HOXB13: variants seen among roughly 807,000 people sequenced by gnomAD.
HOXB13 encodes homeobox protein Hox-B13.
HOXB13 carries 22 observed loss-of-function variants against 23.1 expected under a neutral mutation model. The observed-to-expected ratio is 0.95, with a 90% CI of 0.68 to 1.36. The LOEUF (loss-of-function observed/expected upper bound fraction) is 1.36. HOXB13 is among the 40% of genes most tolerant of loss of function. HOXB13 has a pLI of 0.00. For synonymous variants in HOXB13, 173 were observed against 157.9 expected (o/e 1.10, Z -0.72); for missense variants, 386 against 376.2 (o/e 1.03, Z -0.22).
Position 48,727,054 on chromosome 17 carries a change from T to C in HOXB13, c.602-11A>G, listed in dbSNP as rs749553801. On this transcript the variant is annotated splice_polypyrimidine_tract_variant and intron_variant, in intron 1 of 1. Coordinates refer to ENST00000290295, the MANE Select transcript of HOXB13 (RefSeq NM_006361.6). ...GCTGCCCGCTGGAGTCTGCGCGGCG[T>C]GAAAGGGAGGGAGGAAAAGGCATGG... 1.2e-6 allele frequency: 2 copies of C among 1,602,834 alleles called. No homozygotes were observed. Among genetic ancestry groups the C allele is most frequent in the Non-Finnish European group, 1.7e-6 (2 of 1,179,166 alleles).
At chr17:48,727,103 C>T in intron 1 of HOXB13, 60 bp from the exon 2 acceptor site, 1 of 1,579,576 alleles carries the variant, frequency 6.3e-7, no homozygotes, top group Non-Finnish European at 8.6e-7. Flanking sequence ...CATGCAGACC[C>T]AGGCCTTGCA....
chr17:48,728,500 G>A lies in HOXB13; in HGVS notation c.94C>T (p.Pro32Ser), dbSNP rs1597935135. The A allele has an allele frequency of 6.2e-7, 1 of 1,613,374 alleles. No individual in the cohort carries two copies. The highest frequency in any genetic ancestry group is 1.3e-5 in the African/African-American group (1 of 74,938). Residue 32 changes from proline (P) to serine (S), a missense_variant, in exon 1 of 2, where the codon CCT becomes TCT. Physicochemically the swap from Pro to Ser is moderately conservative, Grantham distance 74. Coordinates refer to ENST00000290295, the MANE Select transcript of HOXB13 (RefSeq NM_006361.6). ...GGCGCCGCTGGGTGGCTGGTCAGAG[G>A]GGAGTGGGCGACCAGATTCCGCCCC... ...GGGRNLVAHS[P>S]LTSHPAAPTL...
Position 48,724,825 on chromosome 17 carries a change from G to A in HOXB13, c.*1965C>T. On this transcript the variant is annotated 3_prime_UTR_variant, in exon 2 of 2. Coordinates refer to ENST00000290295, the MANE Select transcript of HOXB13 (RefSeq NM_006361.6). The stretch of plus-strand genomic sequence containing the variant: ...AGAAAATCCTCAAGTTTAAGTTTCT[G>A]ATAGCAGAGTGTGGGAGTTAGAGCA... The A allele has an allele frequency of 1.9e-6, 1 of 534,746 alleles. No individual in the cohort carries two copies. The highest frequency in any genetic ancestry group is 2.8e-6 in the Non-Finnish European group (1 of 352,094). 33.1% of individuals were successfully genotyped at this position (534,746 alleles called of 1,614,324 possible).
rs561048036 is a variant in HOXB13 at position 48,728,504 on chromosome 17, G to A, written c.90C>T (p.His30=). Residue 30 remains histidine (H), a synonymous_variant, in exon 1 of 2, where the codon CAC becomes CAT. Coordinates refer to ENST00000290295, the MANE Select transcript of HOXB13 (RefSeq NM_006361.6). ...GAGGGRNLVA[H]SPLTSHPAAP... is the part of the protein sequence containing the mutation. ...CCGCTGGGTGGCTGGTCAGAGGGGAGTGGGCGACCAGATTCCGCCCCCCTC... is the reference window on the plus strand; with the variant it reads ...CCGCTGGGTGGCTGGTCAGAGGGGAATGGGCGACCAGATTCCGCCCCCCTC... 3 of 1,613,474 alleles carry A rather than the reference G, an allele frequency of 1.9e-6. No individual in the cohort carries two copies. Among genetic ancestry groups the A allele is most frequent in the Non-Finnish European group, 2.5e-6 (3 of 1,179,974 alleles).
Position 48,726,940 on chromosome 17 carries a change from A to G in HOXB13, c.705T>C (p.Tyr235=), listed in dbSNP as rs923773143. ...CCTTGGTGATGAACTTGTTAGCCGCATACTCCCGCTCCAGCTCCCGCAACT... is the reference window on the plus strand; with the variant it reads ...CCTTGGTGATGAACTTGTTAGCCGCGTACTCCCGCTCCAGCTCCCGCAACT... ...KGQLRELERE[Y]AANKFITKDK... Residue 235 remains tyrosine (Y), a synonymous_variant, in exon 2 of 2, where the codon TAT becomes TAC. Coordinates refer to ENST00000290295, the MANE Select transcript of HOXB13 (RefSeq NM_006361.6). The G allele has an allele frequency of 3.7e-6, 6 of 1,613,622 alleles. No individual in the cohort carries two copies. Among genetic ancestry groups the G allele is most frequent in the African/African-American group, 1.3e-5 (1 of 74,818 alleles).
rs186875481 is a variant in HOXB13 at position 48,727,620 on chromosome 17, G to A, written c.601+373C>T. Among the ~76,000 whole-genome samples the A allele has an allele frequency of 2.6e-4, 39 of 152,222 alleles. 1 individual carries two copies. Among genetic ancestry groups the A allele is most frequent in the Admixed American group, 1.7e-3 (26 of 15,296 alleles). ...CCCATCTCCCACACCCACTCCCCACGCACCGAATTGAGAGTTATTTAGCTT... is the reference window on the plus strand; with the variant it reads ...CCCATCTCCCACACCCACTCCCCACACACCGAATTGAGAGTTATTTAGCTT... On this transcript the variant is annotated intron_variant, in intron 1 of 1. Coordinates refer to ENST00000290295, the MANE Select transcript of HOXB13 (RefSeq NM_006361.6).
intron 1 of HOXB13, 57 bp from the exon 2 acceptor site, chr17:48,727,100 A>C (rs1170153302): frequency 1.3e-6 from 2 of 1,582,716 alleles, no homozygotes; most frequent in African/African-American, 1.3e-5. Context: ...ACCCATGCAG[A>C]CCCAGGCCTT....
In HOXB13 at chr17:48,726,859, G is replaced by T. The variant is rs2038215864; in HGVS notation, c.786C>A (p.Ile262=). ...CTTTGACCCGGCGGTTCTGAAACCA[G>T]ATGGTAATCTGGCGCTCCGAGAGGC... ...ATSLSERQIT[I]WFQNRRVKEK... is the part of the protein sequence containing the mutation. Residue 262 remains isoleucine, a synonymous_variant, in exon 2 of 2, where the codon ATC becomes ATA. Coordinates refer to ENST00000290295, the MANE Select transcript of HOXB13 (RefSeq NM_006361.6). 1 of 1,614,210 alleles carries T rather than the reference G, an allele frequency of 6.2e-7. No homozygotes were observed. Among genetic ancestry groups the T allele is most frequent in the Admixed American group, 1.7e-5 (1 of 60,030 alleles).
At position 48,726,974 on chromosome 17, in the gene HOXB13, C is replaced by A. The variant is rs1597932847; in HGVS notation, c.671G>T (p.Ser224Ile). ...RRGRKKRIPY[S>I]KGQLRELERE... is the part of the protein sequence containing the mutation. ...CTCCAGCTCCCGCAACTGCCCCTTG[C>A]TGTACGGAATGCGTTTCTTGCGGCC... The change falls in exon 2 of 2, where the codon AGC becomes ATC. Residue 224 changes from serine (S) to isoleucine (I), a missense_variant. Coordinates refer to ENST00000290295, the MANE Select transcript of HOXB13 (RefSeq NM_006361.6). The A allele has an allele frequency of 1.2e-6, 2 of 1,613,250 alleles. No individual in the cohort carries two copies. The highest frequency in any genetic ancestry group is 1.7e-6 in the Non-Finnish European group (2 of 1,180,028).
chr17:48,728,731 C>T lies in HOXB13; in HGVS notation c.-138G>A. 4 of 800,138 alleles carry T rather than the reference C, an allele frequency of 5.0e-6. No homozygotes were observed. In the South Asian group the frequency reaches 5.4e-5, roughly 11 times the overall value. The allele number at this position is 800,138 out of a possible 1,614,324, so 49.6% of individuals were successfully genotyped here. A position where few individuals can be genotyped will look rare whatever the true frequency, so the allele number is the denominator to read the frequency against. On this transcript the variant is annotated 5_prime_UTR_variant, in exon 1 of 2. In the 5' UTR this introduces an upstream ATG that the reference lacks. Coordinates refer to ENST00000290295, the MANE Select transcript of HOXB13 (RefSeq NM_006361.6). ...GCAAGTCGCCTGCATTCGCTCAGCA[C>T]GGCCGTCTTGACGCAAGAGACGCAG...
At position 48,726,931 on chromosome 17, in the gene HOXB13, G is replaced by A; in HGVS notation, c.714C>T (p.Asn238=). 6.2e-7 allele frequency: 1 copy of A among 1,613,962 alleles called. No homozygotes were observed. The highest frequency in any genetic ancestry group is 8.5e-7 in the Non-Finnish European group (1 of 1,179,998). The change falls in exon 2 of 2, where the codon AAC becomes AAT. Residue 238 remains asparagine (N), a synonymous_variant. Coordinates refer to ENST00000290295, the MANE Select transcript of HOXB13 (RefSeq NM_006361.6). ...GCCTCTTGTCCTTGGTGATGAACTT[G>A]TTAGCCGCATACTCCCGCTCCAGCT... The part of the protein sequence containing the change: ...LRELEREYAA[N]KFITKDKRRK...
rs1597934280 is a variant in HOXB13, at chr17:48,728,193, G to C, written c.401C>G (p.Pro134Arg). 1.2e-6 allele frequency: 2 copies of C among 1,614,178 alleles called. No individual in the cohort carries two copies. Among genetic ancestry groups the C allele is most frequent in the Non-Finnish European group, 1.7e-6 (2 of 1,180,036 alleles). ...ACTGGCCATAGGCTGGTAGGTTCCC[G>C]GATATCCCGGATAGAAGGCAAACTC... ...PTEFAFYPGYPGTYQPMASYL... is the reference protein window; with the variant it reads ...PTEFAFYPGYRGTYQPMASYL... The change falls in exon 1 of 2, where the codon CCG (proline) becomes CGG (arginine). Residue 134 changes from proline to arginine, a missense_variant. Physicochemically the swap from Pro to Arg is moderately radical, Grantham distance 103 (BLOSUM62 -2). Transcript: ENST00000290295.
In HOXB13 at chr17:48,728,637, G is replaced by C. The variant is rs1597935598; in HGVS notation, c.-44C>G. The C allele has an allele frequency of 6.2e-7, 1 of 1,601,810 alleles. No individual in the cohort carries two copies. The highest frequency in any genetic ancestry group is 8.5e-7 in the Non-Finnish European group (1 of 1,175,422). On this transcript the variant is annotated 5_prime_UTR_variant, in exon 1 of 2. Transcript: ENST00000290295. ...ATGAGGTGCGGGGGCGGGGAATCTA[G>C]GGGGCACCCAGCTCGCTCTCCCCAC...
chr17:48,728,246 G>A lies in HOXB13; in HGVS notation c.348C>T (p.Ala116=), dbSNP rs753116559. The A allele has an allele frequency of 6.2e-7, 1 of 1,614,196 alleles. No homozygotes were observed. Among genetic ancestry groups the A allele is most frequent in the South Asian group, 1.1e-5 (1 of 91,088 alleles). The change falls in exon 1 of 2, where the codon GCC becomes GCT. Residue 116 remains alanine (A), a synonymous_variant. Coordinates refer to ENST00000290295, the MANE Select transcript of HOXB13 (RefSeq NM_006361.6). ...TGGGGCGGCTGGGGTACTCTTCCCC[G>A]GCCGTGGGAGTCTCCGCGGGGTACG... is the stretch of plus-strand genomic sequence containing the variant. The part of the protein sequence containing the change: ...LAAYPAETPT[A]GEEYPSRPTE...
rs761530565 is a variant in HOXB13, at chr17:48,727,031, T to C, written c.614A>G (p.Gln205Arg). 7 of 1,607,456 alleles carry C rather than the reference T, an allele frequency of 4.4e-6. No homozygotes were observed. Among genetic ancestry groups the C allele is most frequent in the Non-Finnish European group, 4.2e-6 (5 of 1,179,964 alleles). Residue 205 changes from glutamine to arginine, a missense_variant, in exon 2 of 2, where the codon CAG becomes CGG. Transcript: ENST00000290295. ...WKAAFADSSG[Q>R]HPPDACAFRR... ...AAAGGCGCAGGCGTCAGGAGGGTGC[T>C]GCCCGCTGGAGTCTGCGCGGCGTGA...
chr17:48,727,138 G>T, intron 1 of HOXB13, 95 bp from the exon 2 acceptor site: 1 of 1,450,588 alleles, frequency 6.9e-7, no homozygotes, highest in South Asian at 1.3e-5. Flanking sequence ...TCATCTCACA[G>T]GTGCACACAG....
Position 48,728,720 on chromosome 17 carries a change from T to C in HOXB13, c.-127A>G. On this transcript the variant is annotated 5_prime_UTR_variant, in exon 1 of 2. The change abolishes an upstream ATG in the 5' untranslated region. Transcript: ENST00000290295. ...GCTCCCAGCTCGCAAGTCGCCTGCA[T>C]TCGCTCAGCACGGCCGTCTTGACGC... 1 of 881,196 alleles carries C rather than the reference T, an allele frequency of 1.1e-6. No homozygotes were observed. Among genetic ancestry groups the C allele is most frequent in the Middle Eastern group, 3.5e-4 (1 of 2,838 alleles). The allele number at this position is 881,196 out of a possible 1,614,324, so 54.6% of individuals were successfully genotyped here. A position where few individuals can be genotyped will look rare whatever the true frequency, so the allele number is the denominator to read the frequency against.
chr17:48,724,855 G>C lies in HOXB13; in HGVS notation c.*1935C>G. On this transcript the variant is annotated 3_prime_UTR_variant, in exon 2 of 2. Transcript: ENST00000290295. The stretch of plus-strand genomic sequence containing the variant: ...CAGAGTGTGGGAGTTAGAGCATGGG[G>C]AGTCCAGAGGTTCCAGACCCCCAAA... 1 of 437,634 alleles carries C rather than the reference G, an allele frequency of 2.3e-6. No individual in the cohort carries two copies. The highest frequency in any genetic ancestry group is 3.8e-6 in the Non-Finnish European group (1 of 263,778). The allele number at this position is 437,634 out of a possible 1,614,324, so 27.1% of individuals were successfully genotyped here.
Position 48,726,808 on chromosome 17 carries a change from C to A in HOXB13, c.837G>T (p.Lys279Asn), listed in dbSNP as rs1597932409. ...VKEKKVLAKVKNSATP is the reference protein window; with the variant it reads ...VKEKKVLAKVNNSATP ...AGATCTCTTAAGGGGTAGCGCTGTT[C>A]TTCACCTTGGCGAGAACCTTCTTCT... is the stretch of plus-strand genomic sequence containing the variant. The change falls in exon 2 of 2, where the codon AAG becomes AAT. Residue 279 changes from lysine (K) to asparagine (N), a missense_variant. By Grantham distance (94) the Lys-to-Asn change is moderately conservative (BLOSUM62 0). Transcript: ENST00000290295. 1 of 1,614,212 alleles carries A rather than the reference C, an allele frequency of 6.2e-7. No individual in the cohort carries two copies. Among genetic ancestry groups the A allele is most frequent in the African/African-American group, 1.3e-5 (1 of 75,054 alleles).
Sources: allele counts gnomAD v4.1 joint callset (sites outside exome capture counted in the v4.1 genomes callset), GRCh38; gene constraint gnomAD v4.1.1; transcripts MANE v1.5; gene names NCBI Gene and HGNC (gene_info 2026-07-23, HGNC 2026-07-21).